USH2A: variants seen among roughly 807,000 people sequenced by gnomAD.
USH2A encodes the protein Usher syndrome 2A (autosomal recessive, mild).
Under a neutral mutation model 538.9 loss-of-function variants are expected in USH2A, and 443 were observed. That is an observed-to-expected ratio of 0.82 (90% CI 0.76 to 0.89). USH2A has a LOEUF of 0.89. Ranked by LOEUF, USH2A falls within the 40% of genes least tolerant of loss-of-function variation. The pLI is 0.00. For synonymous variants in USH2A, 2,413 were observed against 2,273.5 expected (o/e 1.06, Z -1.75); for missense variants, 6,633 against 6,324.8 (o/e 1.05, Z -1.65).
chr1:216,169,346 G>A (rs1558295693), intron 21 of USH2A, among the ~76,000 whole-genome samples: 1 of 152,018 alleles, frequency 6.6e-6, no homozygotes, highest in Non-Finnish European at 1.5e-5. Flanking sequence ...TCAAAAAAAA[G>A]GGAGACTTAC....
At chr1:216,147,545 G>T (rs2033736206) in intron 21 of USH2A, among the ~76,000 whole-genome samples, 1 of 151,870 alleles carries the variant, frequency 6.6e-6, no homozygotes, top group African/African-American at 2.4e-5. Context: ...GACCCTAAAA[G>T]GTCAAAAGGC....
At chr1:215,987,058 AAC>A (rs1018409326) in intron 35 of USH2A, among the ~76,000 whole-genome samples, 5 of 152,244 alleles carry the variant, frequency 3.3e-5, no homozygotes, top group Non-Finnish European at 7.3e-5. Context: ...ATTTAAAAAA[AAC>A]ACATATTCTA....
At chr1:215,734,429 A>G (rs182246433) in intron 60 of USH2A, among the ~76,000 whole-genome samples, 1 of 152,136 alleles carries the variant, frequency 6.6e-6, no homozygotes, top group Non-Finnish European at 1.5e-5. Context: ...CCTTTTCCCT[A>G]TTATCTTGGA....
rs1218551684 is a variant in USH2A, at chr1:216,303,406, T to C, written c.1645-11036A>G. ...AGGCAACTCTCCAAAATAATATACA[T>C]CATACAAATACGAATTCACATACTA... On this transcript the variant is annotated intron_variant, in intron 9 of 71. Coordinates refer to ENST00000307340, the MANE Select transcript of USH2A (RefSeq NM_206933.4). Among the ~76,000 whole-genome samples, 3 of 151,924 alleles carry C rather than the reference T, an allele frequency of 2.0e-5. No individual in the cohort carries two copies. The South Asian group carries it at 6.2e-4, about 32-fold the overall frequency.
chr1:215,989,281 C>T (rs188430246), intron 35 of USH2A, among the ~76,000 whole-genome samples: 59 of 152,210 alleles, frequency 3.9e-4, no homozygotes, highest in African/African-American at 1.4e-3. Flanking sequence ...GCAAGTAATA[C>T]CTGTTTCAGA....
intron 51 of USH2A, among the ~76,000 whole-genome samples, chr1:215,787,194 G>T (rs992335591): frequency 3.9e-5 from 6 of 152,126 alleles, no homozygotes; most frequent in African/African-American, 7.2e-5. Flanking sequence ...AAGGTTTGTT[G>T]TGTGACTCAA....
At chr1:215,697,678 C>T (rs981513752) in intron 61 of USH2A, among the ~76,000 whole-genome samples, 31 of 152,212 alleles carry the variant, frequency 2.0e-4, no homozygotes, top group Admixed American at 3.3e-4. Context: ...TGTGCCATTA[C>T]ACCCAGCTAA....
chr1:216,115,864 G>A (rs2102589853), intron 21 of USH2A, among the ~76,000 whole-genome samples: 1 of 151,770 alleles, frequency 6.6e-6, no homozygotes, highest in Non-Finnish European at 1.5e-5. Flanking sequence ...TCTACATAAA[G>A]GACTTGCTTG....
chr1:215,725,820 T>C (rs1659800431), intron 61 of USH2A, among the ~76,000 whole-genome samples: 1 of 152,206 alleles, frequency 6.6e-6, no homozygotes, highest in African/African-American at 2.4e-5. Context: ...CTTGGGGCCA[T>C]ACACTTGCCT....
At chr1:215,873,846 G>A (rs547154405) in intron 43 of USH2A, among the ~76,000 whole-genome samples, 3 of 149,090 alleles carry the variant, frequency 2.0e-5, no homozygotes, top group South Asian at 4.2e-4. Context: ...ATAATTAAAA[G>A]GAATAGCAAT....
chr1:216,344,905 C>T (rs565533027), intron 4 of USH2A, among the ~76,000 whole-genome samples: 23 of 150,932 alleles, frequency 1.5e-4, no homozygotes, highest in South Asian at 4.2e-4. Context: ...CTGCTATTCT[C>T]GTTGGGTTAA....
At chr1:215,660,532 T>C (rs771963209) in intron 64 of USH2A, among the ~76,000 whole-genome samples, 72 of 152,194 alleles carry the variant, frequency 4.7e-4, no homozygotes, top group African/African-American at 1.7e-3. Context: ...TGTATCTTTC[T>C]TCCAGGTACT....
At chr1:216,292,921 G>A (rs2037030389) in intron 9 of USH2A, among the ~76,000 whole-genome samples, 1 of 151,978 alleles carries the variant, frequency 6.6e-6, no homozygotes, top group African/African-American at 2.4e-5. Context: ...TTAAAAACTT[G>A]GAGAAGTTGT....
At chr1:216,100,374 C>T (rs997748856) in intron 21 of USH2A, among the ~76,000 whole-genome samples, 6 of 152,100 alleles carry the variant, frequency 3.9e-5, no homozygotes, top group African/African-American at 9.7e-5. Context: ...GAAACATAGA[C>T]GTAGAGTCTG....
intron 6 of USH2A, 77 bp from the exon 7 acceptor site, chr1:216,324,429 A>G (rs528158528): frequency 3.0e-5 from 39 of 1,317,502 alleles, no homozygotes; most frequent in South Asian, 3.0e-4. Flanking sequence ...TGGAATTATT[A>G]GATTCAAATA....
chr1:215,988,606 A>G (rs1667934856), intron 35 of USH2A, among the ~76,000 whole-genome samples: 1 of 152,328 alleles, frequency 6.6e-6, no homozygotes, highest in South Asian at 2.1e-4. Flanking sequence ...CAGATGCACC[A>G]TTTAATATTC....
At chr1:215,749,604 T>A (rs1014812202) in intron 58 of USH2A, among the ~76,000 whole-genome samples, 4 of 152,202 alleles carry the variant, frequency 2.6e-5, no homozygotes, top group African/African-American at 4.8e-5. Flanking sequence ...CCCCTGGTAT[T>A]CTGATGACTA....
intron 47 of USH2A, among the ~76,000 whole-genome samples, chr1:215,834,655 T>G (rs1571730942): frequency 6.6e-6 from 1 of 152,172 alleles, no homozygotes. Flanking sequence ...CATGGTACTC[T>G]GCAATTTCCT....
chr1:215,855,418 A>T (rs1257767840), intron 44 of USH2A, among the ~76,000 whole-genome samples: 3 of 152,310 alleles, frequency 2.0e-5, no homozygotes, highest in Admixed American at 6.5e-5. Flanking sequence ...ATAAAAAGTA[A>T]AATACTTAGG....
Sources: gnomAD v4.1 joint callset for allele counts (sites outside exome capture counted in the v4.1 genomes callset) on GRCh38, gnomAD v4.1.1 for gene constraint, MANE v1.5 for transcripts, NCBI Gene and HGNC (gene_info 2026-07-23, HGNC 2026-07-21) for gene names.